The following OCA2 variants were observed in gnomAD, a reference collection of about 807,000 sequenced individuals.
The protein encoded by OCA2 is OCA2 melanosomal transmembrane protein, also known as P protein.
A neutral mutation model predicts 100.2 loss-of-function variants in OCA2; 77 were observed. That is an observed-to-expected ratio of 0.77 (90% CI 0.64 to 0.93). OCA2 has a LOEUF of 0.93. Among genes scored for constraint, OCA2 ranks in the 40% least tolerant of loss-of-function variants. The pLI is 0.00. For missense variants in OCA2, 1,062 were observed against 1,089.1 expected, an observed-to-expected ratio of 0.98 and a Z score of 0.35; for synonymous variants, 432 against 439.2, an observed-to-expected ratio of 0.98 and a Z score of 0.21.
In OCA2 at chr15:27,942,427, T is replaced by C. The variant is rs533686148; in HGVS notation, c.1951+9357A>G. 2.8e-3 allele frequency among the ~76,000 whole-genome samples: 422 copies of C among 151,938 alleles called. 7 individuals are homozygous for C. Among genetic ancestry groups the C allele is most frequent in the African/African-American group, 9.8e-3 (406 of 41,436 alleles). ...AAAGACCACATGTTAAATGATTCCATTAAATGAGATGTCCAGAATAGGCAA... is the reference window on the plus strand; with the variant it reads ...AAAGACCACATGTTAAATGATTCCACTAAATGAGATGTCCAGAATAGGCAA... On this transcript the variant is annotated intron_variant, in intron 18 of 23. Coordinates refer to ENST00000354638, the MANE Select transcript of OCA2 (RefSeq NM_000275.3).
intron 14 of OCA2, among the ~76,000 whole-genome samples, chr15:27,970,041 C>A (rs1255224706): frequency 6.6e-6 from 1 of 152,000 alleles, no homozygotes; most frequent in East Asian, 1.9e-4. Flanking sequence ...TGCAGGAATG[C>A]GTGTGGGCCA....
intron 23 of OCA2, among the ~76,000 whole-genome samples, chr15:27,783,687 A>C (rs2032659489): frequency 6.6e-6 from 1 of 152,256 alleles, no homozygotes; most frequent in Non-Finnish European, 1.5e-5. Context: ...ACAATCCTGA[A>C]GCTTCAAGTA....
chr15:27,736,445 G>A, the OCA2 span, among the ~76,000 whole-genome samples: 29 of 152,298 alleles, frequency 1.9e-4, no homozygotes, highest in African/African-American at 6.7e-4. Flanking sequence ...CTGAAAGGCA[G>A]GACACAGAGC....
chr15:27,985,817 C>T (rs944154512), intron 12 of OCA2, among the ~76,000 whole-genome samples: 2 of 151,896 alleles, frequency 1.3e-5, no homozygotes, highest in Non-Finnish European at 2.9e-5. Context: ...CTCAGCCTCC[C>T]GAGTAGCTGG....
intron 23 of OCA2, among the ~76,000 whole-genome samples, chr15:27,789,405 G>C (rs1288902950): frequency 6.6e-6 from 1 of 152,004 alleles, no homozygotes; most frequent in Non-Finnish European, 1.5e-5. Flanking sequence ...TCTTGAGTTT[G>C]TATCTTCGTT....
chr15:27,806,403 C>A (rs987110453), intron 23 of OCA2, among the ~76,000 whole-genome samples: 3 of 152,212 alleles, frequency 2.0e-5, no homozygotes, highest in African/African-American at 7.2e-5. Flanking sequence ...CGGAAAGGAA[C>A]GTACTGTGAG....
At chr15:27,868,910 AC>A (rs373318496) in intron 21 of OCA2, among the ~76,000 whole-genome samples, 124 of 152,330 alleles carry the variant, frequency 8.1e-4, no homozygotes, top group African/African-American at 1.3e-3. Context: ...GTGAAAAGAC[AC>A]TCAAAGGAAA....
intron 9 of OCA2, among the ~76,000 whole-genome samples, chr15:27,996,581 T>A (rs1324672581): frequency 1.7e-5 from 2 of 114,808 alleles, no homozygotes; most frequent in Non-Finnish European, 4.4e-5. Context: ...TGGAACTTTA[T>A]CTAGACCTAC....
chr15:27,998,292 C>A (rs1362130465), intron 9 of OCA2, among the ~76,000 whole-genome samples: 2 of 88,360 alleles, frequency 2.3e-5, no homozygotes, highest in Admixed American at 2.0e-4. Flanking sequence ...TTTTTGCAAC[C>A]TACTCATCTG....
chr15:27,792,206 CTTTCT>C (rs112382822), intron 23 of OCA2, among the ~76,000 whole-genome samples: 5 of 152,258 alleles, frequency 3.3e-5, no homozygotes, highest in South Asian at 2.1e-4. Flanking sequence ...TTCTCCTTTC[CTTTCT>C]TTTCTTTTCT....
At chr15:27,733,246 A>C in the OCA2 span, among the ~76,000 whole-genome samples, 1 of 152,152 alleles carries the variant, frequency 6.6e-6, no homozygotes, top group Non-Finnish European at 1.5e-5. Context: ...CAGATAGAAT[A>C]TTTTTTTCCT....
At chr15:27,884,203 G>A (rs1478699527) in intron 19 of OCA2, among the ~76,000 whole-genome samples, 3 of 152,074 alleles carry the variant, frequency 2.0e-5, no homozygotes, top group Non-Finnish European at 2.9e-5. Context: ...TCAATGTGGC[G>A]AAACCTGTCT....
chr15:27,724,869 A>G, the OCA2 span, among the ~76,000 whole-genome samples: 2 of 151,916 alleles, frequency 1.3e-5, no homozygotes, highest in African/African-American at 4.8e-5. Flanking sequence ...GGATAAAGTC[A>G]ATCAGGAACT....
chr15:27,939,789 C>T (rs149231435), intron 18 of OCA2, among the ~76,000 whole-genome samples: 88 of 152,304 alleles, frequency 5.8e-4, no homozygotes, highest in Non-Finnish European at 8.7e-4. Context: ...TCAAAAATAA[C>T]GAATCAACAA....
At chr15:27,758,985 C>G (rs1002717885) in intron 23 of OCA2, among the ~76,000 whole-genome samples, 1 of 151,996 alleles carries the variant, frequency 6.6e-6, no homozygotes, top group African/African-American at 2.4e-5. Context: ...AGGCTAGGCA[C>G]CCCCCAAAAT....
chr15:27,863,514 G>A (rs377720866), intron 21 of OCA2, among the ~76,000 whole-genome samples: 24 of 152,304 alleles, frequency 1.6e-4, no homozygotes, highest in African/African-American at 5.8e-4. Context: ...TCAAGGGTCT[G>A]AGCATCTGAG....
At chr15:27,815,879 C>T (rs2034277876) in intron 23 of OCA2, among the ~76,000 whole-genome samples, 1 of 152,228 alleles carries the variant, frequency 6.6e-6, no homozygotes, top group Non-Finnish European at 1.5e-5. Context: ...CGCCTATAAT[C>T]CCAGCACTTT....
chr15:28,000,306 C>G (rs1056056646), intron 9 of OCA2, among the ~76,000 whole-genome samples: 2 of 152,054 alleles, frequency 1.3e-5, no homozygotes, highest in Non-Finnish European at 2.9e-5. Context: ...AGAAATAAAC[C>G]CATGCATGTT....
chr15:27,749,560 A>G, the OCA2 span, among the ~76,000 whole-genome samples: 1 of 152,190 alleles, frequency 6.6e-6, no homozygotes, highest in African/African-American at 2.4e-5. Flanking sequence ...TGTCCCTATT[A>G]GTAGATGACA....
Sources: gnomAD v4.1 joint callset for allele counts (sites outside exome capture counted in the v4.1 genomes callset) on GRCh38, gnomAD v4.1.1 for gene constraint, MANE v1.5 for transcripts, NCBI Gene and HGNC (gene_info 2026-07-23, HGNC 2026-07-21) for gene names.